The following DMXL2 variants were observed in gnomAD, a reference collection of about 807,000 sequenced individuals.
DMXL2 encodes Dmx like 2.
Under a neutral mutation model 331.1 loss-of-function variants are expected in DMXL2, and 103 were observed. That is an observed-to-expected ratio of 0.31 (90% confidence interval 0.27 to 0.37). The LOEUF is 0.37. Among genes scored for constraint, DMXL2 ranks in the 10% least tolerant of loss-of-function variants. The pLI is 1.00. For synonymous variants in DMXL2, 1,281 were observed against 1,252.1 expected (o/e 1.02, Z -0.49); for missense variants, 3,171 against 3,642.9 (o/e 0.87, Z 3.33).
intron 6 of DMXL2, among the ~76,000 whole-genome samples, chr15:51,551,494 CTA>C (rs982286132): frequency 6.6e-6 from 1 of 152,120 alleles, no homozygotes; most frequent in Admixed American, 6.6e-5. Context: ...ATATATTTTA[CTA>C]TGTTTCATAA....
intron 1 of DMXL2, among the ~76,000 whole-genome samples, chr15:51,577,198 C>A (rs1332299554): frequency 1.3e-5 from 2 of 152,134 alleles, no homozygotes; most frequent in East Asian, 1.9e-4. Flanking sequence ...CGCACTGTTT[C>A]CACACCCTTA....
In DMXL2 at chr15:51,488,633, A is replaced by C. The variant is rs748052252; in HGVS notation, c.4966T>G (p.Ser1656Ala). ...AAGGCATCATTGTTCCTTTGAAAAG[A>C]AGCTTTGGCAACCTAAATGATAAAT... Reference protein sequence around the residue: ...RRCIEKVAKASFQRNNDALDA... With the variant: ...RRCIEKVAKAAFQRNNDALDA... The change falls in exon 21 of 44, where the codon TCT (serine) becomes GCT (alanine). Residue 1656 changes from serine (S) to alanine (A), a missense_variant. Ser to Ala is a moderately conservative substitution (Grantham distance 99). Transcript: ENST00000560891. 53 of 1,605,014 alleles carry C rather than the reference A, an allele frequency of 3.3e-5. No homozygotes were observed. The highest frequency in any genetic ancestry group is 7.0e-5 in the Admixed American group (4 of 57,112).
chr15:51,489,665 AAAAG>A (rs1202446144), intron 20 of DMXL2, among the ~76,000 whole-genome samples: 8 of 152,230 alleles, frequency 5.3e-5, no homozygotes, highest in South Asian at 4.1e-4. Flanking sequence ...AAAGAAAAAA[AAAAG>A]AAAGAAAGAA....
chr15:51,498,251 C>G (rs1350307894), intron 18 of DMXL2, among the ~76,000 whole-genome samples: 1 of 151,848 alleles, frequency 6.6e-6, no homozygotes, highest in Non-Finnish European at 1.5e-5. Flanking sequence ...AAAAAACAAA[C>G]AAAAAACCCA....
chr15:51,485,328 G>C (rs1322096062), intron 23 of DMXL2, among the ~76,000 whole-genome samples: 2 of 152,150 alleles, frequency 1.3e-5, no homozygotes, highest in East Asian at 3.8e-4. Flanking sequence ...TCAAAGACAA[G>C]GATCTCCTCA....
At chr15:51,607,417 T>C (rs61234253) in intron 1 of DMXL2, among the ~76,000 whole-genome samples, 3,998 of 151,638 alleles carry the variant, frequency 0.026, 178 homozygotes, top group African/African-American at 0.091. Context: ...GACCGCACCA[T>C]TGCACTCCAG....
At chr15:51,476,470 A>G in intron 27 of DMXL2, 119 bp downstream of exon 27, 5 of 1,194,310 alleles carry the variant, frequency 4.2e-6, no homozygotes, top group Non-Finnish European at 5.9e-6. Flanking sequence ...TCATCAAAAA[A>G]CAAAGAAAGA....
At chr15:51,491,537 GT>G (rs773145688) in intron 20 of DMXL2, 40 bp downstream of exon 20, 642 of 1,550,530 alleles carry the variant, frequency 4.1e-4, no homozygotes, top group Non-Finnish European at 5.2e-4. Context: ...TTAGGAAAAG[GT>G]TTTTTTAATA....
At chr15:51,580,216 A>G (rs527332640) in intron 1 of DMXL2, among the ~76,000 whole-genome samples, 11 of 152,302 alleles carry the variant, frequency 7.2e-5, no homozygotes, top group African/African-American at 2.4e-4. Context: ...ATTTTGTTCC[A>G]TTCTTTTTCA....
At chr15:51,610,767 CAAA>C (rs34526933) in intron 1 of DMXL2, among the ~76,000 whole-genome samples, 2 of 132,446 alleles carry the variant, frequency 1.5e-5, no homozygotes, top group Non-Finnish European at 1.6e-5. Flanking sequence ...GACTCCATCT[CAAA>C]AAAAAAAAAA....
intron 1 of DMXL2, among the ~76,000 whole-genome samples, chr15:51,620,984 T>G (rs575686978): frequency 6.6e-6 from 1 of 152,278 alleles, no homozygotes; most frequent in East Asian, 1.9e-4. Context: ...AGCAGGAAAA[T>G]ATAACCAAAG....
chr15:51,614,933 T>C (rs539431741), intron 1 of DMXL2, among the ~76,000 whole-genome samples: 162 of 152,302 alleles, frequency 1.1e-3, no homozygotes, highest in African/African-American at 3.7e-3. Context: ...CATTTAAGAT[T>C]CAACTGCCAT....
rs946753309 is a variant in DMXL2, at chr15:51,565,244, T to C, written c.286-78A>G. 5 of 852,784 alleles carry C rather than the reference T, an allele frequency of 5.9e-6. No homozygotes were observed. In the African/African-American group the frequency reaches 7.1e-5, roughly 12 times the overall value. 52.8% of individuals were successfully genotyped at this position (852,784 alleles called of 1,614,324 possible). On this transcript the variant is annotated intron_variant, in intron 3 of 43. Coordinates refer to ENST00000560891, the MANE Select transcript of DMXL2 (RefSeq NM_001378457.1). The stretch of plus-strand genomic sequence containing the variant: ...ATAATATCCCAAAACACTACCATTT[T>C]ATCATTTTCTTCAACTTAAGACTTT...
At chr15:51,458,653 A>C (rs761151090) in intron 35 of DMXL2, 26 bp from the exon 36 acceptor site, 1 of 1,613,934 alleles carries the variant, frequency 6.2e-7, no homozygotes, top group Non-Finnish European at 8.5e-7. Context: ...AGAATCGATG[A>C]TTTAAGCAAT....
intron 16 of DMXL2, among the ~76,000 whole-genome samples, chr15:51,503,284 AG>A (rs1281460365): frequency 1.3e-5 from 2 of 152,236 alleles, no homozygotes; most frequent in Non-Finnish European, 2.9e-5. Flanking sequence ...CATTTATTGT[AG>A]CACTATTCAC....
chr15:51,534,474 T>C (rs1017581565), intron 13 of DMXL2, among the ~76,000 whole-genome samples: 2 of 152,146 alleles, frequency 1.3e-5, no homozygotes, highest in African/African-American at 4.8e-5. Context: ...TTCAATATGA[T>C]TGTGTGAGCT....
intron 1 of DMXL2, among the ~76,000 whole-genome samples, chr15:51,610,686 T>A (rs7169786): frequency 1.3e-5 from 2 of 151,086 alleles, no homozygotes; most frequent in Admixed American, 1.3e-4. Context: ...GAGAATGGCA[T>A]GAACCCAGGA....
intron 42 of DMXL2, among the ~76,000 whole-genome samples, chr15:51,451,011 G>A (rs1469340611): frequency 6.6e-6 from 1 of 152,124 alleles, no homozygotes; most frequent in Non-Finnish European, 1.5e-5. Context: ...GCACTTTTTG[G>A]GTGGTACTAT....
At chr15:51,535,590 C>A in intron 13 of DMXL2, 73 bp downstream of exon 13, 1 of 1,396,052 alleles carries the variant, frequency 7.2e-7, no homozygotes, top group Non-Finnish European at 9.7e-7. Context: ...CTAACAAACA[C>A]AGGTCCTAGA....
Sources: gnomAD v4.1 joint callset for allele counts (sites outside exome capture counted in the v4.1 genomes callset) on GRCh38, gnomAD v4.1.1 for gene constraint, MANE v1.5 for transcripts, NCBI Gene and HGNC (gene_info 2026-07-23, HGNC 2026-07-21) for gene names.